TIMM44: variants seen among roughly 807,000 people sequenced by gnomAD.
TIMM44 encodes the protein mitochondrial import inner membrane translocase subunit TIM44.
In TIMM44, 37 loss-of-function variants were observed where a neutral mutation model predicts 63.8. That is an observed-to-expected ratio of 0.58 (90% confidence interval 0.45 to 0.76). The LOEUF (loss-of-function observed/expected upper bound fraction) is 0.76, where lower values mean the gene tolerates loss of function less well. Among genes scored for constraint, TIMM44 ranks in the 30% least tolerant of loss-of-function variants. The pLI is 0.00. For missense variants in TIMM44, 573 were observed against 603.8 expected, an observed-to-expected ratio of 0.95 and a Z score of 0.54; for synonymous variants, 239 against 245.1, an observed-to-expected ratio of 0.98 and a Z score of 0.23.
rs147575759 is a variant in TIMM44, at chr19:7,934,138, T to C, written c.494A>G (p.Lys165Arg). Residue 165 changes from lysine (K) to arginine (R), a missense_variant, in exon 5 of 13, where the codon AAA (lysine) becomes AGA (arginine). Lys to Arg is a conservative substitution (Grantham distance 26). Coordinates refer to ENST00000270538, the MANE Select transcript of TIMM44 (RefSeq NM_006351.4). The surrounding 1 kb of genome is among the most constrained non-coding windows in gnomAD (Gnocchi z 5.3). ...TAKQSAESVS[K>R]GGEKLGRTAA... ...TGTCCTGCCCAGCTTCTCCCCGCCT[T>C]TGGATACCGACTCGGCCGACTGCTT... 1.1e-4 allele frequency: 177 copies of C among 1,613,380 alleles called. No homozygotes were observed. Among genetic ancestry groups the C allele is most frequent in the Middle Eastern group, 1.6e-4 (1 of 6,084 alleles).
In TIMM44 at chr19:7,934,099, G is replaced by A; in HGVS notation, c.533C>T (p.Ala178Val). Residue 178 changes from alanine to valine, a missense_variant, in exon 5 of 13, where the codon GCC becomes GTC. Physicochemically the swap from Ala to Val is moderately conservative, Grantham distance 64 (BLOSUM62 0). Coordinates refer to ENST00000270538, the MANE Select transcript of TIMM44 (RefSeq NM_006351.4). The surrounding 1 kb of genome is among the most constrained non-coding windows in gnomAD (Gnocchi z 5.3). ...CAGGACTGGGCTCACCTGGGAGAGGGCTCTGAAGGCCGCTGTCCTGCCCAG... is the reference window on the plus strand; with the variant it reads ...CAGGACTGGGCTCACCTGGGAGAGGACTCTGAAGGCCGCTGTCCTGCCCAG... Reference protein sequence around the residue: ...EKLGRTAAFRALSQGVESVKK... With the variant: ...EKLGRTAAFRVLSQGVESVKK... 1 of 1,613,182 alleles carries A rather than the reference G, an allele frequency of 6.2e-7. No homozygotes were observed.
chr19:7,932,420 G>C lies in TIMM44; in HGVS notation c.987+207C>G, dbSNP rs80029910. The C allele has an allele frequency of 1.6e-5, 10 of 635,172 alleles. No individual in the cohort carries two copies. The East Asian group carries it at 2.8e-4, about 18-fold the overall frequency. The allele number at this position is 635,172 out of a possible 1,614,324, so 39.3% of individuals were successfully genotyped here. On this transcript the variant is annotated intron_variant, in intron 9 of 12. Transcript: ENST00000270538. ...TGAGGGAAACAGACCTGGAGGTACCGGAGGTGCCGGTAAGGCCCAGGAAGG... is the reference window on the plus strand; with the variant it reads ...TGAGGGAAACAGACCTGGAGGTACCCGAGGTGCCGGTAAGGCCCAGGAAGG...
chr19:7,937,723 TAAG>T, intron 3 of TIMM44: 1 of 356,514 alleles, frequency 2.8e-6, no homozygotes, highest in Non-Finnish European at 5.3e-6. Context: ...CCAAGAAAGG[TAAG>T]AAGCAAAGGG....
chr19:7,936,406 C>T (rs964940458), intron 3 of TIMM44, among the ~76,000 whole-genome samples: 3 of 152,080 alleles, frequency 2.0e-5, no homozygotes, highest in Non-Finnish European at 2.9e-5. Flanking sequence ...GAGCCGAGAT[C>T]GCACCATTGC....
chr19:7,931,039 T>C (rs1436553973), intron 10 of TIMM44, 99 bp downstream of exon 10: 1 of 1,125,870 alleles, frequency 8.9e-7, no homozygotes, highest in Non-Finnish European at 1.3e-6. Context: ...AGGTCCTGCC[T>C]GTTGGGAGCT....
chr19:7,932,630 C>T lies in TIMM44; in HGVS notation c.984G>A (p.Leu328=). 1 of 1,613,528 alleles carries T rather than the reference C, an allele frequency of 6.2e-7. No individual in the cohort carries two copies. Among genetic ancestry groups the T allele is most frequent in the Non-Finnish European group, 8.5e-7 (1 of 1,180,006 alleles). Residue 328 remains leucine (L), a synonymous_variant, in exon 9 of 13, where the codon CTG becomes CTA. Coordinates refer to ENST00000270538, the MANE Select transcript of TIMM44 (RefSeq NM_006351.4). Reference sequence around the variant, plus strand: ...GTCCTGGGGGTGTGGCACCCACCTCCAGGACATTGGGGATGATGTCGTTCT... The same window carrying T: ...GTCCTGGGGGTGTGGCACCCACCTCTAGGACATTGGGGATGATGTCGTTCT... The part of the protein sequence containing the change: ...QCENDIIPNV[L]EAMISGELDI...
intron 1 of TIMM44, among the ~76,000 whole-genome samples, chr19:7,942,476 G>C (rs761227361): frequency 6.6e-6 from 1 of 151,284 alleles, no homozygotes; most frequent in South Asian, 2.1e-4. Flanking sequence ...TGTTCAGCTC[G>C]GCACCCTGTC....
At chr19:7,940,414 CA>C (rs1407181753) in intron 2 of TIMM44, among the ~76,000 whole-genome samples, 1 of 152,052 alleles carries the variant, frequency 6.6e-6, no homozygotes, top group Non-Finnish European at 1.5e-5. Context: ...TCTTGGGCTA[CA>C]AACCATGGGA....
rs12976850 is a variant in TIMM44, at chr19:7,927,167, A to C, written c.*20T>G. ...GTGCCTGATGACCCAGGCCGGGGCT[A>C]CCTGGCTCCGGCACCACACTCAGAG... On this transcript the variant is annotated 3_prime_UTR_variant, in exon 13 of 13. Coordinates refer to ENST00000270538, the MANE Select transcript of TIMM44 (RefSeq NM_006351.4). The C allele has an allele frequency of 0.07, 112,332 of 1,600,524 alleles. 4,066 individuals carry two copies. The highest frequency in any genetic ancestry group is 0.1 in the African/African-American group (7,554 of 74,906).
intron 3 of TIMM44, among the ~76,000 whole-genome samples, chr19:7,935,703 G>A (rs537230270): frequency 1.9e-4 from 29 of 152,172 alleles, no homozygotes; most frequent in Admixed American, 5.2e-4. Flanking sequence ...CTGAGAACAG[G>A]AGGCCCAGCC....
chr19:7,934,156 G>A lies in TIMM44; in HGVS notation c.476C>T (p.Ser159Leu), dbSNP rs1984072279. ...CCCGCCTTTGGATACCGACTCGGCC[G>A]ACTGCTTGGCCGTCTTGGCTGCTTC... ...VEEAAKTAKQ[S>L]AESVSKGGEK... is the part of the protein sequence containing the mutation. Residue 159 changes from serine (S) to leucine (L), a missense_variant, in exon 5 of 13, where the codon TCG becomes TTG. By Grantham distance (145) the Ser-to-Leu change is moderately radical. Coordinates refer to ENST00000270538, the MANE Select transcript of TIMM44 (RefSeq NM_006351.4). The surrounding 1 kb of genome is among the most constrained non-coding windows in gnomAD (Gnocchi z 5.3). 3.7e-6 allele frequency: 6 copies of A among 1,613,500 alleles called. No individual in the cohort carries two copies. In the East Asian group the frequency reaches 1.1e-4, roughly 30 times the overall value.
Position 7,931,181 on chromosome 19 carries a change from A to G in TIMM44, c.995T>C (p.Ile332Thr), listed in dbSNP as rs1983972147. 6.2e-7 allele frequency: 1 copy of G among 1,613,990 alleles called. No homozygotes were observed. Among genetic ancestry groups the G allele is most frequent in the Non-Finnish European group, 8.5e-7 (1 of 1,179,972 alleles). The change falls in exon 10 of 13, where the codon ATT (isoleucine) becomes ACT (threonine). Residue 332 changes from isoleucine to threonine, a missense_variant. Ile to Thr is a moderately conservative substitution (Grantham distance 89, BLOSUM62 -1). Coordinates refer to ENST00000270538, the MANE Select transcript of TIMM44 (RefSeq NM_006351.4). ...TTTGAGAATGTCAAGCTCTCCAGAA[A>G]TCATGGCCTAAAAAGGAAGGGAAAA... is the stretch of plus-strand genomic sequence containing the variant. ...DIIPNVLEAM[I>T]SGELDILKDW...
chr19:7,928,005 C>T (rs1983863686), intron 11 of TIMM44, 72 bp downstream of exon 11: 3 of 1,455,352 alleles, frequency 2.1e-6, no homozygotes, highest in East Asian at 4.8e-5. Flanking sequence ...GGCAAGGCCA[C>T]CTCCTGGGCC....
chr19:7,927,468 G>T, intron 12 of TIMM44, 162 bp from the exon 13 acceptor site: 1 of 1,056,824 alleles, frequency 9.5e-7, no homozygotes, highest in Non-Finnish European at 1.4e-6. Flanking sequence ...ACTCAGCCTT[G>T]GTAAAAACAG....
At chr19:7,941,332 G>C in intron 1 of TIMM44, 135 bp from the exon 2 acceptor site, 3 of 706,720 alleles carry the variant, frequency 4.2e-6, no homozygotes. Flanking sequence ...CGGAGTCTCA[G>C]GCTAGAGTGC....
In TIMM44 at chr19:7,926,981, G is replaced by GC. The variant is rs1046223085; in HGVS notation, c.*205dup. ...GGGCAGAGCAACAGGGCAGGGGTTG[G>GC]CCCTGCGGGGGAGTGTCTCCAGCTG... is the stretch of plus-strand genomic sequence containing the variant. On this transcript the variant is annotated 3_prime_UTR_variant, in exon 13 of 13. Transcript: ENST00000270538. 5 of 672,110 alleles carry GC rather than the reference G, an allele frequency of 7.4e-6. No homozygotes were observed. The highest frequency in any genetic ancestry group is 1.8e-5 in the African/African-American group (1 of 55,918). The allele number at this position is 672,110 out of a possible 1,614,324, so 41.6% of individuals were successfully genotyped here. A position where few individuals can be genotyped will look rare whatever the true frequency, so the allele number is the denominator to read the frequency against.
intron 1 of TIMM44, among the ~76,000 whole-genome samples, 153 bp from the exon 2 acceptor site, chr19:7,941,350 C>T (rs541504207): frequency 3.3e-5 from 5 of 150,460 alleles, no homozygotes; most frequent in Admixed American, 2.0e-4. Flanking sequence ...TGCAGTGCTG[C>T]GATCTCAGCT....
chr19:7,927,023 G>A lies in TIMM44; in HGVS notation c.*164C>T. 1 of 1,010,666 alleles carries A rather than the reference G, an allele frequency of 9.9e-7. No individual in the cohort carries two copies. The highest frequency in any genetic ancestry group is 1.5e-6 in the Non-Finnish European group (1 of 685,608). The allele number at this position is 1,010,666 out of a possible 1,614,324, so 62.6% of individuals were successfully genotyped here. A position where few individuals can be genotyped will look rare whatever the true frequency, so the allele number is the denominator to read the frequency against. On this transcript the variant is annotated 3_prime_UTR_variant, in exon 13 of 13. Coordinates refer to ENST00000270538, the MANE Select transcript of TIMM44 (RefSeq NM_006351.4). ...CTCCAGCTGCCGCGCACCCGCAACA[G>A]CCCGTTGTCCCCTCCCGGGCCAGCT...
Position 7,934,947 on chromosome 19 carries a change from C to T in TIMM44, c.393+118G>A. 3.3e-6 allele frequency: 3 copies of T among 898,638 alleles called. No homozygotes were observed. The highest frequency in any genetic ancestry group is 5.4e-6 in the Non-Finnish European group (3 of 557,644). 55.7% of individuals were successfully genotyped at this position (898,638 alleles called of 1,614,324 possible). On this transcript the variant is annotated intron_variant, in intron 4 of 12. Coordinates refer to ENST00000270538, the MANE Select transcript of TIMM44 (RefSeq NM_006351.4). The surrounding 1 kb of genome is among the most constrained non-coding windows in gnomAD (Gnocchi z 5.3). ...AACCTTCCCGAGGGTGGCAGCACGC[C>T]CCATGCCACCCACTGCTGCCAAGCC...
Sources: allele counts gnomAD v4.1 joint callset (sites outside exome capture counted in the v4.1 genomes callset), GRCh38; gene constraint gnomAD v4.1.1; non-coding constraint Gnocchi (gnomAD v3.1); transcripts MANE v1.5; gene names NCBI Gene and HGNC (gene_info 2026-07-23, HGNC 2026-07-21).